Variants in SPMIP8 observed in about 807,000 individuals in gnomAD.
SPMIP8 encodes the protein sperm microtubule inner protein 8, also known as testicular tissue protein Li 196.
the SPMIP8 span, chr16:57,978,006 G>A: frequency 1.9e-6 from 3 of 1,613,988 alleles, no homozygotes; most frequent in South Asian, 2.2e-5. Flanking sequence ...CCTTCCTGAT[G>A]AGCACTGCCA....
the SPMIP8 span, chr16:57,985,331 T>C: frequency 1.9e-6 from 3 of 1,565,800 alleles, no homozygotes; most frequent in Admixed American, 5.6e-5. Context: ...GGGGAGCGGC[T>C]TAAGCCGGGG....
At chr16:57,985,283 C>T in the SPMIP8 span, 1 of 1,558,376 alleles carries the variant, frequency 6.4e-7, no homozygotes, top group South Asian at 1.2e-5. Flanking sequence ...GAGCGCTGCG[C>T]GCAGACCCGT....
At chr16:57,982,218 C>T in the SPMIP8 span, among the ~76,000 whole-genome samples, 1 of 152,170 alleles carries the variant, frequency 6.6e-6, no homozygotes, top group African/African-American at 2.4e-5. Context: ...GGAAAGCTAA[C>T]AATACTTCTA....
At chr16:57,984,789 C>A in the SPMIP8 span, 1 of 1,607,678 alleles carries the variant, frequency 6.2e-7, no homozygotes, top group Non-Finnish European at 8.5e-7. Flanking sequence ...GGAGTTCAAG[C>A]TGCCTTGCCT....
the SPMIP8 span, among the ~76,000 whole-genome samples, chr16:57,979,111 C>T: frequency 1.3e-5 from 2 of 152,212 alleles, no homozygotes; most frequent in Admixed American, 1.3e-4. Context: ...TAGTGAATAA[C>T]CCCGCATGGA....
chr16:57,980,051 G>A, the SPMIP8 span, among the ~76,000 whole-genome samples: 922 of 152,308 alleles, frequency 6.1e-3, 1 homozygote, highest in Non-Finnish European at 1.0e-2. Context: ...GTGACAGAGC[G>A]AGACTCCATC....
chr16:57,985,586 G>C, the SPMIP8 span: 5 of 1,556,058 alleles, frequency 3.2e-6, no homozygotes, highest in South Asian at 1.2e-5. Flanking sequence ...ATATCTGGAG[G>C]AGGGAGGATG....
the SPMIP8 span, chr16:57,978,136 C>T: frequency 1.5e-6 from 2 of 1,357,396 alleles, no homozygotes; most frequent in Middle Eastern, 2.1e-4. Flanking sequence ...AGTCCCAGCT[C>T]TGCTGCTCCC....
At chr16:57,977,063 A>G in the SPMIP8 span, among the ~76,000 whole-genome samples, 9 of 152,162 alleles carry the variant, frequency 5.9e-5, no homozygotes, top group Non-Finnish European at 1.2e-4. Flanking sequence ...GGTATACGGC[A>G]TACTAAGCTA....
At chr16:57,981,006 C>T in the SPMIP8 span, among the ~76,000 whole-genome samples, 4 of 152,148 alleles carry the variant, frequency 2.6e-5, 1 homozygote, top group East Asian at 1.9e-4. Flanking sequence ...TGAGCTACCA[C>T]GACCAGCCTG....
chr16:57,985,612 T>C, the SPMIP8 span: 28 of 1,516,062 alleles, frequency 1.8e-5, no homozygotes, highest in South Asian at 3.1e-4. Context: ...TGGGCCGCTT[T>C]CCTAGCGCAC....
the SPMIP8 span, among the ~76,000 whole-genome samples, chr16:57,981,501 CTTTTT>C: frequency 7.7e-4 from 53 of 68,954 alleles, no homozygotes; most frequent in African/African-American, 3.6e-3. Context: ...CTCTCTTTCT[CTTTTT>C]TTTTTTTTTT....
chr16:57,984,277 C>T, the SPMIP8 span: 1 of 1,611,224 alleles, frequency 6.2e-7, no homozygotes, highest in Non-Finnish European at 8.5e-7. Context: ...GGAGACACCT[C>T]TTCTCCCTTT....
the SPMIP8 span, chr16:57,978,050 C>T: frequency 3.1e-6 from 5 of 1,609,804 alleles, no homozygotes; most frequent in Non-Finnish European, 4.2e-6. Flanking sequence ...GTTAGGACAC[C>T]AGTGTAGGAT....
chr16:57,985,482 T>C, the SPMIP8 span: 4 of 1,613,840 alleles, frequency 2.5e-6, no homozygotes, highest in Non-Finnish European at 3.4e-6. Context: ...CCCGCCTCAG[T>C]ACTGCCTCAG....
At chr16:57,985,768 A>G in the SPMIP8 span, 5 of 1,214,158 alleles carry the variant, frequency 4.1e-6, no homozygotes, top group South Asian at 8.1e-5. Context: ...TGCGGAGTGG[A>G]GGCGTTCGCA....
At chr16:57,986,541 C>T in the SPMIP8 span, 1 of 152,092 alleles carries the variant, frequency 6.6e-6, no homozygotes, top group African/African-American at 2.4e-5. Context: ...TGTTTCAGCG[C>T]CTAGATGGCC....
At chr16:57,977,086 G>A in the SPMIP8 span, among the ~76,000 whole-genome samples, 2,515 of 152,134 alleles carry the variant, frequency 0.017, 68 homozygotes, top group African/African-American at 0.058. Context: ...TTCTGAACCC[G>A]CTTGCTGCTG....
chr16:57,979,030 A>C, the SPMIP8 span, among the ~76,000 whole-genome samples: 234 of 151,988 alleles, frequency 1.5e-3, no homozygotes, highest in Non-Finnish European at 1.1e-3. Flanking sequence ...AGAGAGAAAG[A>C]CCTCTCCTCA....
Sources: allele counts gnomAD v4.1 joint callset (sites outside exome capture counted in the v4.1 genomes callset), GRCh38; gene constraint gnomAD v4.1.1; transcripts MANE v1.5; gene names NCBI Gene and HGNC (gene_info 2026-07-23, HGNC 2026-07-21).